The following DCC variants were observed in gnomAD, a reference collection of about 807,000 sequenced individuals.
DCC encodes the protein netrin receptor DCC.
Under a neutral mutation model 172.5 loss-of-function variants are expected in DCC, and 58 were observed. The ratio of observed to expected loss-of-function variants is 0.34; its 90% CI spans 0.27 to 0.42. The LOEUF (loss-of-function observed/expected upper bound fraction) is 0.42. Ranked by LOEUF, DCC falls within the 10% of genes least tolerant of loss-of-function variation. The pLI is 1.00. For synonymous variants in DCC, 709 were observed against 644.5 expected (o/e 1.10, Z -1.52); for missense variants, 1,740 against 1,791.0 (o/e 0.97, Z 0.51).
chr18:53,127,811 C>A (rs542861636), intron 7 of DCC, among the ~76,000 whole-genome samples: 115 of 152,230 alleles, frequency 7.6e-4, no homozygotes, highest in Non-Finnish European at 1.5e-3. Flanking sequence ...ATAGTCGAAA[C>A]TTATTTTCCC....
chr18:53,221,442 G>T (rs10502965), intron 12 of DCC, among the ~76,000 whole-genome samples: 4 of 152,136 alleles, frequency 2.6e-5, no homozygotes, highest in African/African-American at 7.2e-5. Context: ...AACAGATTAA[G>T]TGTGGCTAGA....
chr18:52,515,606 C>CAAAAAAAAAA (rs58112743), intron 1 of DCC, among the ~76,000 whole-genome samples: 202 of 10,308 alleles, frequency 0.02, 33 homozygotes, highest in African/African-American at 0.036. Flanking sequence ...AACCCTGTCT[C>CAAAAAAAAAA]AAAAAAAAAA....
intron 11 of DCC, among the ~76,000 whole-genome samples, chr18:53,211,368 T>C (rs2055749600): frequency 6.6e-6 from 1 of 152,164 alleles, no homozygotes; most frequent in South Asian, 2.1e-4. Context: ...CAAGATTCAT[T>C]GTGGAAACAT....
intron 1 of DCC, among the ~76,000 whole-genome samples, chr18:52,492,431 A>C (rs2030549624): frequency 6.6e-6 from 1 of 152,064 alleles, no homozygotes; most frequent in Admixed American, 6.6e-5. Flanking sequence ...CTTGAGAGAA[A>C]AAGATGAGAT....
At chr18:53,308,244 A>G (rs993236598) in intron 13 of DCC, among the ~76,000 whole-genome samples, 6 of 151,920 alleles carry the variant, frequency 3.9e-5, no homozygotes, top group African/African-American at 9.7e-5. Flanking sequence ...ATGTTAAATC[A>G]TATGTAAATT....
At chr18:52,755,800 G>T (rs1224574588) in intron 2 of DCC, among the ~76,000 whole-genome samples, 2 of 151,924 alleles carry the variant, frequency 1.3e-5, no homozygotes, top group Non-Finnish European at 2.9e-5. Flanking sequence ...TTCCATTTTT[G>T]CTTTCTCAAA....
At chr18:53,367,092 A>G (rs765443917) in intron 15 of DCC, among the ~76,000 whole-genome samples, 1 of 152,250 alleles carries the variant, frequency 6.6e-6, no homozygotes, top group Non-Finnish European at 1.5e-5. Context: ...GCACACAAGA[A>G]TGGACAAGTA....
At chr18:53,487,068 G>T in intron 26 of DCC, 110 bp downstream of exon 26, 1 of 1,384,122 alleles carries the variant, frequency 7.2e-7, no homozygotes, top group South Asian at 1.2e-5. Context: ...ATTTCCCTAT[G>T]ACTGTGGTAC....
chr18:52,629,018 A>C (rs923082913), intron 1 of DCC, among the ~76,000 whole-genome samples: 1 of 152,184 alleles, frequency 6.6e-6, no homozygotes, highest in Non-Finnish European at 1.5e-5. Context: ...GAAATAGTAG[A>C]TTTAAATTGG....
chr18:52,759,468 G>A (rs1208290515), intron 2 of DCC, among the ~76,000 whole-genome samples: 1 of 152,040 alleles, frequency 6.6e-6, no homozygotes, highest in Non-Finnish European at 1.5e-5. Context: ...ATGTGACAAT[G>A]GAAATAGCTA....
chr18:52,617,718 A>G (rs1346620758), intron 1 of DCC, among the ~76,000 whole-genome samples: 1 of 152,156 alleles, frequency 6.6e-6, no homozygotes, highest in Non-Finnish European at 1.5e-5. Context: ...TTTAAATATC[A>G]CTACTGAAAA....
intron 16 of DCC, among the ~76,000 whole-genome samples, chr18:53,391,419 AG>A (rs2030820101): frequency 1.3e-5 from 2 of 152,200 alleles, no homozygotes; most frequent in Non-Finnish European, 2.9e-5. Flanking sequence ...AACCACTCTA[AG>A]AGAATGAGTA....
At chr18:53,091,395 T>C (rs549976152) in intron 7 of DCC, among the ~76,000 whole-genome samples, 2 of 145,516 alleles carry the variant, frequency 1.4e-5, no homozygotes, top group African/African-American at 4.9e-5. Flanking sequence ...AAATTATATA[T>C]AAATATATAT....
At position 52,435,285 on chromosome 18, in the gene DCC, CTG is replaced by C. The variant is rs113328646; in HGVS notation, c.91+94420_91+94421del. 6.2e-3 allele frequency among the ~76,000 whole-genome samples: 940 copies of C among 151,810 alleles called. 2 individuals are homozygous for C. The highest frequency in any genetic ancestry group is 0.013 in the South Asian group (64 of 4,804). On this transcript the variant is annotated intron_variant, in intron 1 of 28. Transcript: ENST00000442544. Reference sequence around the variant, plus strand: ...CCAAGAAACTCCCAGTCCCTCTTGCCTGTGTGTGTGTGTGCACGTGTGTGTGT... The same window carrying C: ...CCAAGAAACTCCCAGTCCCTCTTGCCTGTGTGTGTGTGCACGTGTGTGTGT...
At chr18:52,811,729 C>T (rs1439317703) in intron 2 of DCC, among the ~76,000 whole-genome samples, 2 of 152,008 alleles carry the variant, frequency 1.3e-5, no homozygotes, top group Admixed American at 6.6e-5. Context: ...TTATTTTTAT[C>T]GAAGATCTGA....
intron 1 of DCC, among the ~76,000 whole-genome samples, chr18:52,506,331 C>A (rs1245547800): frequency 6.6e-6 from 1 of 152,012 alleles, no homozygotes; most frequent in South Asian, 2.1e-4. Context: ...GATTTATAAT[C>A]TATTAGATTT....
At chr18:53,380,109 A>G (rs1309846404) in intron 15 of DCC, among the ~76,000 whole-genome samples, 1 of 152,176 alleles carries the variant, frequency 6.6e-6, no homozygotes, top group African/African-American at 2.4e-5. Context: ...ATAATTAATG[A>G]TTAATTCATT....
At chr18:53,081,658 T>A (rs1201841971) in intron 7 of DCC, among the ~76,000 whole-genome samples, 1 of 152,044 alleles carries the variant, frequency 6.6e-6, no homozygotes, top group East Asian at 1.9e-4. Flanking sequence ...AAAATAAAAT[T>A]TCTTGCAAGT....
At chr18:52,764,382 C>G (rs2037210795) in intron 2 of DCC, among the ~76,000 whole-genome samples, 1 of 152,182 alleles carries the variant, frequency 6.6e-6, no homozygotes, top group African/African-American at 2.4e-5. Flanking sequence ...ATATTCATCC[C>G]CTCCAAACCT....
Sources: allele counts gnomAD v4.1 joint callset (sites outside exome capture counted in the v4.1 genomes callset), GRCh38; gene constraint gnomAD v4.1.1; transcripts MANE v1.5; gene names NCBI Gene and HGNC (gene_info 2026-07-23, HGNC 2026-07-21).